The following MAST2 variants were observed in gnomAD, a reference collection of about 807,000 sequenced individuals.
MAST2 encodes the protein microtubule-associated serine/threonine-protein kinase 2.
A neutral mutation model predicts 147.4 loss-of-function variants in MAST2; 70 were observed. The observed-to-expected ratio is 0.47, with a 90% confidence interval of 0.39 to 0.58. The LOEUF is 0.58. Among genes scored for constraint, MAST2 ranks in the 20% least tolerant of loss-of-function variants. The pLI is 0.00. For missense variants in MAST2, 2,080 were observed against 2,302.3 expected, an observed-to-expected ratio of 0.90 and a Z score of 1.98; for synonymous variants, 869 against 896.8, an observed-to-expected ratio of 0.97 and a Z score of 0.55.
rs763660368 is a variant in MAST2 at position 46,030,637 on chromosome 1, C to G, written c.2584C>G (p.Leu862Val). ...CAGCAGCATGGAGCGGCTCTCACTG[C>G]TCGAGGAGCGCCGGACACCACCCCC... ...VYSSMERLSL[L>V]EERRTPPPTK... The change falls in exon 22 of 29, where the codon CTC (leucine) becomes GTC (valine). Residue 862 changes from leucine (L) to valine (V), a missense_variant. By Grantham distance (32) the Leu-to-Val change is conservative (BLOSUM62 1). Around this residue, in one of 4 missense-constraint regions of MAST2, gnomAD observed 1,278 missense variants for 1,304.2 expected, o/e 0.98. Coordinates refer to ENST00000361297, the MANE Select transcript of MAST2 (RefSeq NM_015112.3). 1.1e-5 allele frequency: 17 copies of G among 1,611,420 alleles called. No homozygotes were observed. In the South Asian group the frequency reaches 1.7e-4, roughly 16 times the overall value.
intron 3 of MAST2, among the ~76,000 whole-genome samples, chr1:45,832,329 C>G (rs1388871848): frequency 6.7e-6 from 1 of 149,548 alleles, no homozygotes; most frequent in Non-Finnish European, 1.5e-5. Context: ...GAGACAGGTT[C>G]TCCCTCTGTT....
chr1:45,977,617 G>C (rs1034681077), intron 5 of MAST2, among the ~76,000 whole-genome samples: 10 of 151,990 alleles, frequency 6.6e-5, no homozygotes, highest in African/African-American at 2.4e-4. Context: ...GGCTAAGACG[G>C]TGAAACCCCG....
chr1:45,937,279 T>G (rs1351975914), intron 4 of MAST2, among the ~76,000 whole-genome samples: 1 of 151,856 alleles, frequency 6.6e-6, no homozygotes, highest in Non-Finnish European at 1.5e-5. Context: ...TTTAAAATTT[T>G]ATTTATTTAC....
In MAST2 at chr1:45,854,437, A is replaced by G. The variant is rs771773103; in HGVS notation, c.468+24856A>G. ...GGACTCTCCTTCTGCCATTACCACA[A>G]TGTTTTGATTACTGCTGCTATATAG... On this transcript the variant is annotated intron_variant, in intron 3 of 28. Coordinates refer to ENST00000361297, the MANE Select transcript of MAST2 (RefSeq NM_015112.3). Among the ~76,000 whole-genome samples, 42 of 152,168 alleles carry G rather than the reference A, an allele frequency of 2.8e-4. 1 individual carries two copies. In the Middle Eastern group the frequency reaches 0.034, roughly 123 times the overall value.
intron 16 of MAST2, among the ~76,000 whole-genome samples, chr1:46,026,554 C>T (rs1433841542): frequency 6.6e-6 from 1 of 151,932 alleles, no homozygotes; most frequent in Non-Finnish European, 1.5e-5. Flanking sequence ...AGAAAGCTCA[C>T]TCTGCCGGTG....
intron 4 of MAST2, among the ~76,000 whole-genome samples, chr1:45,958,542 C>T (rs1192893197): frequency 6.6e-6 from 1 of 151,064 alleles, no homozygotes; most frequent in African/African-American, 2.4e-5. Context: ...CCCTCTATCC[C>T]CCTCTCCCCC....
intron 12 of MAST2, among the ~76,000 whole-genome samples, chr1:46,022,558 C>T (rs1646231830): frequency 6.6e-6 from 1 of 150,450 alleles, no homozygotes. Context: ...CTGCTCCTGC[C>T]TTCTGTGCTT....
At position 46,002,677 on chromosome 1, in the gene MAST2, G is replaced by T. The variant is rs149058127; in HGVS notation, c.669-128G>T. The T allele has an allele frequency of 2.2e-4, 167 of 749,852 alleles. No individual in the cohort carries two copies. The African/African-American group carries it at 2.5e-3, about 11-fold the overall frequency. The allele number at this position is 749,852 out of a possible 1,614,324, so 46.4% of individuals were successfully genotyped here. A position where few individuals can be genotyped will look rare whatever the true frequency, so the allele number is the denominator to read the frequency against. ...GATATAAAAGCATGTACTGGACTGA[G>T]CAGTAATGTCTTAAGGAGGAGCCCT... On this transcript the variant is annotated intron_variant, in intron 6 of 28. Transcript: ENST00000361297.
At chr1:45,847,297 C>A in intron 3 of MAST2, 1 of 502,634 alleles carries the variant, frequency 2.0e-6, no homozygotes, top group South Asian at 1.6e-5. Flanking sequence ...TGCTGCCTGT[C>A]CTGCTTGTCC....
At chr1:45,880,895 T>G (rs565269777) in intron 3 of MAST2, among the ~76,000 whole-genome samples, 86 of 149,602 alleles carry the variant, frequency 5.7e-4, no homozygotes, top group Non-Finnish European at 1.0e-3. Context: ...GTAGAATCGC[T>G]TGAACCCAGG....
intron 4 of MAST2, among the ~76,000 whole-genome samples, chr1:45,906,093 G>A (rs1650672980): frequency 6.6e-6 from 1 of 151,990 alleles, no homozygotes; most frequent in African/African-American, 2.4e-5. Flanking sequence ...TGAATCTTTT[G>A]TGAAATGTGT....
At chr1:45,959,339 G>T (rs1380992525) in intron 4 of MAST2, 47 bp from the exon 5 acceptor site, 1 of 1,479,600 alleles carries the variant, frequency 6.8e-7, no homozygotes, top group Non-Finnish European at 9.4e-7. Flanking sequence ...AGGTCTCTGG[G>T]CCCATGGTGT....
chr1:45,912,847 C>T (rs1431868164), intron 4 of MAST2, among the ~76,000 whole-genome samples: 2 of 152,204 alleles, frequency 1.3e-5, no homozygotes, highest in Admixed American at 6.5e-5. Context: ...ACAGTAATAG[C>T]TAACACTTTT....
intron 5 of MAST2, among the ~76,000 whole-genome samples, chr1:45,993,359 G>A (rs948236295): frequency 7.2e-5 from 11 of 151,972 alleles, no homozygotes; most frequent in Non-Finnish European, 1.0e-4. Flanking sequence ...GTTTGAAAAA[G>A]TATTTATTTT....
At chr1:45,890,494 CTCT>C (rs1405383221) in intron 4 of MAST2, among the ~76,000 whole-genome samples, 3 of 152,248 alleles carry the variant, frequency 2.0e-5, no homozygotes, top group South Asian at 2.1e-4. Context: ...ATAGATCTGT[CTCT>C]TCTTCTTTTT....
chr1:45,988,905 T>G (rs1644753487), intron 5 of MAST2, among the ~76,000 whole-genome samples: 1 of 152,158 alleles, frequency 6.6e-6, no homozygotes. Context: ...AGGCTCATGT[T>G]GTATATTTCT....
At chr1:45,826,864 CTG>C (rs569764845) in intron 2 of MAST2, among the ~76,000 whole-genome samples, 109 of 152,124 alleles carry the variant, frequency 7.2e-4, no homozygotes, top group Middle Eastern at 3.4e-3. Context: ...GAGTCTTACT[CTG>C]TCACCAGGCT....
At chr1:45,820,893 C>CTTTTTTTTTTT (rs769508054) in intron 1 of MAST2, among the ~76,000 whole-genome samples, 130 of 43,068 alleles carry the variant, frequency 3.0e-3, no homozygotes, top group Non-Finnish European at 3.8e-3. Context: ...CTTTCTTTCT[C>CTTTTTTTTTTT]TTTTTTTTTT....
intron 1 of MAST2, among the ~76,000 whole-genome samples, chr1:45,811,116 G>A (rs985064358): frequency 2.7e-5 from 4 of 150,564 alleles, no homozygotes; most frequent in East Asian, 2.0e-4. Context: ...CTCTCAAAGT[G>A]TTGGGATTAC....
Sources: gnomAD v4.1 joint callset for allele counts (sites outside exome capture counted in the v4.1 genomes callset) on GRCh38, gnomAD v4.1.1 for gene constraint, gnomAD v4.1.1 regional missense constraint, MANE v1.5 for transcripts, NCBI Gene and HGNC (gene_info 2026-07-23, HGNC 2026-07-21) for gene names.